Variants in C8A observed in about 807,000 individuals in gnomAD.
The protein encoded by C8A is complement component C8 alpha chain.
Under a neutral mutation model 65.3 loss-of-function variants are expected in C8A, and 67 were observed. That is an observed-to-expected ratio of 1.03 (90% CI 0.84 to 1.26). The LOEUF (loss-of-function observed/expected upper bound fraction) is 1.26. C8A is among the 50% of genes most tolerant of loss of function. The probability of loss-of-function intolerance (pLI) is 0.00; values close to 1 mark genes in which losing one functional copy is unlikely to be tolerated. For synonymous variants in C8A, 290 were observed against 259.4 expected, an observed-to-expected ratio of 1.12 and a Z score of -1.13; for missense variants, 781 against 723.9, an observed-to-expected ratio of 1.08 and a Z score of -0.90.
chr1:56,912,916 C>T (rs1570355688), intron 10 of C8A, among the ~76,000 whole-genome samples: 1 of 152,304 alleles, frequency 6.6e-6, no homozygotes, highest in Non-Finnish European at 1.5e-5. Flanking sequence ...CATAACAAAT[C>T]ATCACAAATT....
intron 1 of C8A, among the ~76,000 whole-genome samples, chr1:56,857,585 T>C (rs1005011665): frequency 6.6e-6 from 1 of 152,064 alleles, no homozygotes; most frequent in Admixed American, 6.5e-5. Flanking sequence ...AGTCTAACAA[T>C]CTCTGTCTTT....
In C8A at chr1:56,883,657, C is replaced by T. The variant is rs142473572; in HGVS notation, c.831C>T (p.Asn277=). Residue 277 remains asparagine (N), a synonymous_variant, in exon 6 of 11, where the codon AAC becomes AAT. Transcript: ENST00000361249. ...ACTCACAAGACACTTCATTCTTGAA[C>T]GAATTAAACAAGTATAATGAGAAGG... ...VSHSQDTSFL[N]ELNKYNEKKF... 6.4e-5 allele frequency: 104 copies of T among 1,613,404 alleles called. No homozygotes were observed. In the East Asian group the frequency reaches 8.5e-4, roughly 13 times the overall value.
intron 7 of C8A, among the ~76,000 whole-genome samples, chr1:56,906,100 G>A (rs1042325529): frequency 1.5e-4 from 23 of 152,258 alleles, no homozygotes; most frequent in African/African-American, 2.4e-4. Flanking sequence ...TCTCTGGGGC[G>A]CAAAGAGGAT....
At chr1:56,879,627 G>T (rs1644231213) in intron 4 of C8A, among the ~76,000 whole-genome samples, 1 of 152,124 alleles carries the variant, frequency 6.6e-6, no homozygotes, top group African/African-American at 2.4e-5. Context: ...ATCCAGCTAT[G>T]ACTAGAGACA....
intron 9 of C8A, among the ~76,000 whole-genome samples, chr1:56,908,324 T>C (rs1644482844): frequency 6.6e-6 from 1 of 152,152 alleles, no homozygotes; most frequent in Non-Finnish European, 1.5e-5. Flanking sequence ...AAACTGATGA[T>C]CTAGTCAGTG....
At chr1:56,855,024 C>A in intron 1 of C8A, 46 bp downstream of exon 1, 1 of 1,402,718 alleles carries the variant, frequency 7.1e-7, no homozygotes, top group East Asian at 2.3e-5. Flanking sequence ...TAGGAATCAC[C>A]TGCTGGGGAA....
At chr1:56,874,373 G>C (rs964835956) in intron 2 of C8A, among the ~76,000 whole-genome samples, 2 of 152,096 alleles carry the variant, frequency 1.3e-5, no homozygotes, top group Non-Finnish European at 2.9e-5. Context: ...AAAGAAAGAG[G>C]GGAATTCCAG....
At position 56,912,636 on chromosome 1, in the gene C8A, T is replaced by G. The variant is rs765936368; in HGVS notation, c.1603+11T>G. The stretch of plus-strand genomic sequence containing the variant: ...AAACACAGACAGAAGGTAAGGTCCG[T>G]GCATCCCCACCCAGTTCCAGCCTGT... On this transcript the variant is annotated intron_variant, in intron 10 of 10. Transcript: ENST00000361249. The G allele has an allele frequency of 3.7e-6, 6 of 1,612,644 alleles. No homozygotes were observed. Among genetic ancestry groups the G allele is most frequent in the Non-Finnish European group, 5.1e-6 (6 of 1,179,010 alleles).
intron 4 of C8A, among the ~76,000 whole-genome samples, chr1:56,878,534 TA>T (rs1644219363): frequency 6.6e-6 from 1 of 152,210 alleles, no homozygotes; most frequent in African/African-American, 2.4e-5. Flanking sequence ...CTGAAACTGG[TA>T]AAATGGTCCT....
At chr1:56,858,457 A>T (rs779130546) in intron 1 of C8A, among the ~76,000 whole-genome samples, 5 of 152,206 alleles carry the variant, frequency 3.3e-5, no homozygotes, top group African/African-American at 1.2e-4. Flanking sequence ...AGGGGAATTT[A>T]AAAAATGTGA....
chr1:56,903,852 T>C (rs919764687), intron 7 of C8A, among the ~76,000 whole-genome samples: 1 of 152,230 alleles, frequency 6.6e-6, no homozygotes, highest in Non-Finnish European at 1.5e-5. Context: ...TAGTTACCTA[T>C]ATTTTTCAAA....
intron 7 of C8A, among the ~76,000 whole-genome samples, chr1:56,887,924 G>A (rs1356848550): frequency 6.6e-6 from 1 of 152,132 alleles, no homozygotes; most frequent in Admixed American, 6.6e-5. Context: ...ATAAGTGGGA[G>A]TTGAACAATG....
At chr1:56,899,963 CT>C (rs1644414101) in intron 7 of C8A, among the ~76,000 whole-genome samples, 1 of 152,192 alleles carries the variant, frequency 6.6e-6, no homozygotes, top group Non-Finnish European at 1.5e-5. Context: ...CAGGTAGTCT[CT>C]GTTTCAGAAT....
chr1:56,868,174 CTAAATGGTTTTGAA>C (rs1644109919), intron 2 of C8A, among the ~76,000 whole-genome samples: 1 of 151,830 alleles, frequency 6.6e-6, no homozygotes, highest in Admixed American at 6.6e-5. Context: ...CTTTGCCTAT[CTAAATGGTTTTGAA>C]TAGTTCAAAA....
At chr1:56,888,192 A>T (rs1644316263) in intron 7 of C8A, among the ~76,000 whole-genome samples, 1 of 152,186 alleles carries the variant, frequency 6.6e-6, no homozygotes, top group Non-Finnish European at 1.5e-5. Context: ...ATTTGAAAAA[A>T]GTATCATGCC....
Position 56,917,693 on chromosome 1 carries a change from A to G in C8A, c.1732A>G (p.Lys578Glu). ...QNGGASCPGR[K>E]VQTQAC ...TGGAGGGGCCTCGTGTCCAGGGCGG[A>G]AAGTACAGACGCAGGCTTGCTGAGG... Residue 578 changes from lysine to glutamate, a missense_variant, in exon 11 of 11, where the codon AAA (lysine) becomes GAA (glutamate). Lys to Glu is a moderately conservative substitution (Grantham distance 56, BLOSUM62 1). Transcript: ENST00000361249. 6.2e-7 allele frequency: 1 copy of G among 1,614,202 alleles called. No individual in the cohort carries two copies. Among genetic ancestry groups the G allele is most frequent in the Non-Finnish European group, 8.5e-7 (1 of 1,180,038 alleles).
At chr1:56,884,261 T>A (rs142723041) in intron 6 of C8A, among the ~76,000 whole-genome samples, 1 of 152,048 alleles carries the variant, frequency 6.6e-6, no homozygotes, top group East Asian at 1.9e-4. Flanking sequence ...GAAATCAGCA[T>A]GTGCGAGGGC....
chr1:56,861,305 C>A (rs908135710), intron 1 of C8A, among the ~76,000 whole-genome samples: 1 of 152,076 alleles, frequency 6.6e-6, no homozygotes, highest in Non-Finnish European at 1.5e-5. Context: ...TAGGAACATC[C>A]TGGTGAGTAC....
chr1:56,876,798 T>C (rs1222549019), intron 4 of C8A, among the ~76,000 whole-genome samples: 1 of 151,654 alleles, frequency 6.6e-6, no homozygotes, highest in Non-Finnish European at 1.5e-5. Flanking sequence ...GTCAGTTCCT[T>C]GAATGCATCA....
Sources: allele counts gnomAD v4.1 joint callset (sites outside exome capture counted in the v4.1 genomes callset), GRCh38; gene constraint gnomAD v4.1.1; transcripts MANE v1.5; gene names NCBI Gene and HGNC (gene_info 2026-07-23, HGNC 2026-07-21).